ALG14: variants seen among roughly 807,000 people sequenced by gnomAD.
ALG14 encodes ALG14 UDP-N-acetylglucosaminyltransferase subunit, also known as UDP-N-acetylglucosamine transferase subunit ALG14.
A neutral mutation model predicts 22.8 loss-of-function variants in ALG14; 17 were observed. The ratio of observed to expected loss-of-function variants is 0.75; its 90% CI spans 0.51 to 1.12. The LOEUF is 1.12. ALG14 is among the 50% of genes most tolerant of loss of function. ALG14 has a pLI of 0.00. For missense variants in ALG14, 288 were observed against 271.8 expected, an observed-to-expected ratio of 1.06 and a Z score of -0.42; for synonymous variants, 89 against 103.7, an observed-to-expected ratio of 0.86 and a Z score of 0.86.
At chr1:95,072,077 C>T (rs1205143780) in intron 1 of ALG14, among the ~76,000 whole-genome samples, 1 of 152,132 alleles carries the variant, frequency 6.6e-6, no homozygotes, top group Non-Finnish European at 1.5e-5. Context: ...TAAAGTAATG[C>T]GTTATACTTG....
rs1002963522 is a variant in ALG14 at position 94,982,228 on chromosome 1, C to G, written c.*848G>C. ...GCAGCCTCTGCCTCCCGGGTTCAAG[C>G]GATTCTCCTGCCTCAGCCTCCCGAG... On this transcript the variant is annotated 3_prime_UTR_variant, in exon 4 of 4. Coordinates refer to ENST00000370205, the MANE Select transcript of ALG14 (RefSeq NM_144988.4). 1.3e-5 allele frequency: 2 copies of G among 150,472 alleles called. No individual in the cohort carries two copies. Among genetic ancestry groups the G allele is most frequent in the Non-Finnish European group, 2.9e-5 (2 of 67,968 alleles). The allele number at this position is 150,472 out of a possible 1,614,324, so 9.3% of individuals were successfully genotyped here. A position where few individuals can be genotyped will look rare whatever the true frequency, so the allele number is the denominator to read the frequency against.
chr1:95,021,134 T>G (rs1331993519), intron 3 of ALG14, among the ~76,000 whole-genome samples: 1 of 152,218 alleles, frequency 6.6e-6, no homozygotes, highest in Non-Finnish European at 1.5e-5. Context: ...ATGCAATGTT[T>G]TTTTCCTATT....
intron 2 of ALG14, among the ~76,000 whole-genome samples, chr1:95,035,336 T>C (rs968744289): frequency 3.9e-5 from 6 of 152,218 alleles, no homozygotes; most frequent in African/African-American, 1.2e-4. Flanking sequence ...TCTTTCTTAT[T>C]CTCTATCGTA....
intron 3 of ALG14, among the ~76,000 whole-genome samples, chr1:95,016,526 A>ACC (rs1383458011): frequency 6.6e-6 from 1 of 152,180 alleles, no homozygotes; most frequent in Admixed American, 6.5e-5. Context: ...TTAGAAACCC[A>ACC]CCAAGATATA....
At chr1:95,041,766 C>T (rs1427103670) in intron 2 of ALG14, among the ~76,000 whole-genome samples, 1 of 152,174 alleles carries the variant, frequency 6.6e-6, no homozygotes, top group Non-Finnish European at 1.5e-5. Context: ...AGCACCCCAC[C>T]TTGTGGAAAA....
At position 95,064,849 on chromosome 1, in the gene ALG14, T is replaced by C. The variant is rs1675298788; in HGVS notation, c.288+17A>G. 6.3e-7 allele frequency: 1 copy of C among 1,599,364 alleles called. No homozygotes were observed. On this transcript the variant is annotated intron_variant, in intron 2 of 3. Transcript: ENST00000370205. The stretch of plus-strand genomic sequence containing the variant: ...GTGCAACTTGTAATTTTCTTAGAAA[T>C]AGAAATTGTCACTTACCATGTTACT...
intron 2 of ALG14, among the ~76,000 whole-genome samples, chr1:95,060,386 A>G (rs1675102897): frequency 6.6e-6 from 1 of 152,140 alleles, no homozygotes; most frequent in Non-Finnish European, 1.5e-5. Flanking sequence ...TTAGTCCTAC[A>G]TTGCACTTCG....
At chr1:95,036,649 A>ACT (rs1557966520) in intron 2 of ALG14, among the ~76,000 whole-genome samples, 1 of 150,850 alleles carries the variant, frequency 6.6e-6, no homozygotes, top group Non-Finnish European at 1.5e-5. Flanking sequence ...ATGGTCTCAA[A>ACT]CTCCTGATTT....
chr1:95,057,970 T>C (rs1272764494), intron 2 of ALG14, among the ~76,000 whole-genome samples: 1 of 151,666 alleles, frequency 6.6e-6, no homozygotes, highest in African/African-American at 2.4e-5. Context: ...GCCAAACAAC[T>C]GTAGGGATAT....
At chr1:95,036,369 A>G in intron 2 of ALG14, among the ~76,000 whole-genome samples, 1 of 150,664 alleles carries the variant, frequency 6.6e-6, no homozygotes, top group East Asian at 1.9e-4. Flanking sequence ...CATGATTCCA[A>G]GTTTCCTGAG....
At chr1:94,989,938 C>T (rs537177140) in intron 3 of ALG14, among the ~76,000 whole-genome samples, 2 of 152,276 alleles carry the variant, frequency 1.3e-5, no homozygotes, top group East Asian at 3.9e-4. Flanking sequence ...AGAGCAGTCA[C>T]AGGATTTCCT....
At chr1:95,022,446 C>T in intron 3 of ALG14, 1 of 797,798 alleles carries the variant, frequency 1.3e-6, no homozygotes, top group Non-Finnish European at 1.5e-6. Context: ...TCGCAGTGGA[C>T]TCTGACCATC....
intron 3 of ALG14, among the ~76,000 whole-genome samples, chr1:95,025,855 C>G (rs970547814): frequency 3.9e-5 from 6 of 152,192 alleles, no homozygotes; most frequent in African/African-American, 1.4e-4. Context: ...GATAGTCTAT[C>G]CAGACCACTC....
intron 3 of ALG14, among the ~76,000 whole-genome samples, chr1:94,984,962 T>C (rs1672601050): frequency 6.6e-6 from 1 of 152,218 alleles, no homozygotes; most frequent in Non-Finnish European, 1.5e-5. Flanking sequence ...TTGTTTTTAA[T>C]AACTCTGTAT....
intron 3 of ALG14, among the ~76,000 whole-genome samples, chr1:94,997,675 T>C (rs1170141325): frequency 6.6e-6 from 1 of 152,220 alleles, no homozygotes; most frequent in Non-Finnish European, 1.5e-5. Context: ...ATTTGAGTAG[T>C]GCTTCCCTTA....
Position 94,975,377 on chromosome 1 carries a change from T to G in ALG14, c.*7699A>C, listed in dbSNP as rs769343411. 1.5e-4 allele frequency: 23 copies of G among 152,236 alleles called. No individual in the cohort carries two copies. Among genetic ancestry groups the G allele is most frequent in the Non-Finnish European group, 1.0e-4 (7 of 68,046 alleles). The allele number at this position is 152,236 out of a possible 1,614,324, so 9.4% of individuals were successfully genotyped here. On this transcript the variant is annotated 3_prime_UTR_variant, in exon 4 of 4. Transcript: ENST00000370205. ...TATTCCACTATATGGATATACCACA[T>G]TTTGTTTATCTGTTCATTAGTAGAG...
At chr1:95,009,152 T>G (rs1158559318) in intron 3 of ALG14, among the ~76,000 whole-genome samples, 1 of 151,972 alleles carries the variant, frequency 6.6e-6, no homozygotes, top group Admixed American at 6.6e-5. Context: ...CTTTCAGTTC[T>G]TTTGAGTATA....
chr1:95,049,744 G>A (rs1034406879), intron 2 of ALG14, among the ~76,000 whole-genome samples: 10 of 151,822 alleles, frequency 6.6e-5, no homozygotes, highest in African/African-American at 1.5e-4. Flanking sequence ...GGTGGTGCAC[G>A]TCTATAGTCC....
intron 3 of ALG14, among the ~76,000 whole-genome samples, chr1:95,004,826 G>C (rs1362401019): frequency 7.1e-6 from 1 of 141,146 alleles, no homozygotes; most frequent in Non-Finnish European, 1.5e-5. Flanking sequence ...TATTTTTTGA[G>C]ACAGAATCTC....
Sources: gnomAD v4.1 joint callset for allele counts (sites outside exome capture counted in the v4.1 genomes callset) on GRCh38, gnomAD v4.1.1 for gene constraint, MANE v1.5 for transcripts, NCBI Gene and HGNC (gene_info 2026-07-23, HGNC 2026-07-21) for gene names.